The following BTNL8 variants were observed in gnomAD, a reference collection of about 807,000 sequenced individuals.
BTNL8 encodes butyrophilin like 8, also known as butyrophilin-like protein 8.
In BTNL8, 22 loss-of-function variants were observed where a neutral mutation model predicts 36.1. The ratio of observed to expected loss-of-function variants is 0.61; its 90% CI spans 0.44 to 0.87. BTNL8 has a LOEUF of 0.87. Among genes scored for constraint, BTNL8 ranks in the 40% least tolerant of loss-of-function variants. The pLI, the probability that BTNL8 is intolerant of heterozygous loss-of-function variation, is 0.00. For synonymous variants in BTNL8, 203 were observed against 235.6 expected (o/e 0.86, Z 1.27); for missense variants, 526 against 616.9 (o/e 0.85, Z 1.56).
At chr5:180,945,996 A>AATAC (rs1759223580) in intron 3 of BTNL8, 2 of 55,736 alleles carry the variant, frequency 3.6e-5, no homozygotes, top group South Asian at 5.4e-4. Context: ...TTAATAAATA[A>AATAC]ATAAATAAAT....
At chr5:180,910,837 G>C (rs1757351639) in intron 2 of BTNL8, among the ~76,000 whole-genome samples, 1 of 152,274 alleles carries the variant, frequency 6.6e-6, no homozygotes, top group South Asian at 2.1e-4. Flanking sequence ...GAAGCCTTTT[G>C]TTCAGCACTC....
intron 1 of BTNL8, among the ~76,000 whole-genome samples, chr5:180,903,410 G>A: frequency 1.1e-5 from 1 of 90,406 alleles, no homozygotes; most frequent in African/African-American, 6.5e-5. Flanking sequence ...GTTCATTGTA[G>A]ATTCTGGATA....
rs543525826 is a variant in BTNL8 at position 180,907,778 on chromosome 5, G to T, written c.50-808G>T. ...TGCAGGTCTGTTGGAGTACCCTGCC[G>T]TGTGAGGTGTCAGTGTGCCCCTGCT... On this transcript the variant is annotated intron_variant, in intron 1 of 7. Transcript: ENST00000340184. Among the ~76,000 whole-genome samples, 12 of 151,876 alleles carry T rather than the reference G, an allele frequency of 7.9e-5. 1 individual carries two copies. The South Asian group carries it at 2.1e-3, about 26-fold the overall frequency.
intron 3 of BTNL8, among the ~76,000 whole-genome samples, chr5:180,920,872 C>T (rs1056703183): frequency 2.0e-5 from 3 of 151,968 alleles, no homozygotes; most frequent in Non-Finnish European, 4.4e-5. Flanking sequence ...CAGGGAAATT[C>T]AATCAAAAGT....
At chr5:180,943,280 A>G (rs1759075730) in intron 3 of BTNL8, among the ~76,000 whole-genome samples, 2 of 151,808 alleles carry the variant, frequency 1.3e-5, no homozygotes, top group South Asian at 2.1e-4. Context: ...GATTACAGAC[A>G]CCATCCACCA....
At chr5:180,909,031 T>C (rs1757259325) in intron 2 of BTNL8, 98 bp downstream of exon 2, 1 of 1,235,278 alleles carries the variant, frequency 8.1e-7, no homozygotes, top group Non-Finnish European at 1.1e-6. Context: ...TTAGGTCATT[T>C]AGTTAGAAGG....
chr5:180,933,389 T>A (rs1758497454), intron 3 of BTNL8, among the ~76,000 whole-genome samples: 1 of 152,164 alleles, frequency 6.6e-6, no homozygotes. Flanking sequence ...CCAGAACATA[T>A]CATATCTTAG....
At chr5:180,908,531 C>T (rs1757222567) in intron 1 of BTNL8, 55 bp from the exon 2 acceptor site, 1 of 1,560,506 alleles carries the variant, frequency 6.4e-7, no homozygotes, top group Admixed American at 1.9e-5. Context: ...ATCTTGGCTC[C>T]TCCCCCTCAC....
chr5:180,924,316 A>G (rs1289303293), intron 3 of BTNL8, among the ~76,000 whole-genome samples: 1 of 152,168 alleles, frequency 6.6e-6, no homozygotes, highest in African/African-American at 2.4e-5. Flanking sequence ...CCAAGTCCAC[A>G]CACATCTGTG....
chr5:180,945,021 C>G (rs1056232123), intron 3 of BTNL8, among the ~76,000 whole-genome samples: 10 of 152,154 alleles, frequency 6.6e-5, no homozygotes, highest in African/African-American at 2.4e-4. Context: ...CCAAAGCAAT[C>G]TTGAGCAAAA....
intron 3 of BTNL8, among the ~76,000 whole-genome samples, chr5:180,943,680 T>C (rs1273703740): frequency 6.6e-6 from 1 of 152,188 alleles, no homozygotes; most frequent in East Asian, 1.9e-4. Flanking sequence ...GAAAACACTA[T>C]GGAGATTTCT....
chr5:180,924,279 A>C (rs1346174163), intron 3 of BTNL8, among the ~76,000 whole-genome samples: 1 of 152,206 alleles, frequency 6.6e-6, no homozygotes, highest in Non-Finnish European at 1.5e-5. Flanking sequence ...TGTTCTGCTT[A>C]AGGCTACTCT....
At chr5:180,942,400 CA>C (rs1169416474) in intron 3 of BTNL8, among the ~76,000 whole-genome samples, 1 of 152,148 alleles carries the variant, frequency 6.6e-6, no homozygotes, top group African/African-American at 2.4e-5. Flanking sequence ...CAATCCTTAT[CA>C]AAATACCAAT....
intron 3 of BTNL8, among the ~76,000 whole-genome samples, chr5:180,920,441 A>G (rs937434997): frequency 6.6e-6 from 1 of 152,130 alleles, no homozygotes; most frequent in Admixed American, 6.5e-5. Flanking sequence ...CACAAAAATC[A>G]ATTCAAAATG....
intron 2 of BTNL8, chr5:180,909,595 C>T (rs530983648): frequency 2.2e-5 from 22 of 984,590 alleles, no homozygotes; most frequent in East Asian, 1.1e-4. Flanking sequence ...ATGTATTTGA[C>T]GGGGCTGGGT....
At chr5:180,913,872 T>C (rs1311296890) in intron 3 of BTNL8, among the ~76,000 whole-genome samples, 1 of 152,212 alleles carries the variant, frequency 6.6e-6, no homozygotes, top group African/African-American at 2.4e-5. Flanking sequence ...CACTTAATCA[T>C]GGGCCGCCAA....
At chr5:180,911,318 C>A (rs368011336) in intron 2 of BTNL8, 21 bp from the exon 3 acceptor site, 1 of 1,611,708 alleles carries the variant, frequency 6.2e-7, no homozygotes, top group African/African-American at 1.3e-5. Context: ...TGCTTTCAAC[C>A]GTTCCCTGTT....
At position 180,911,331 on chromosome 5, in the gene BTNL8, C is replaced by A; in HGVS notation, c.398-8C>A. The A allele has an allele frequency of 6.2e-7, 1 of 1,613,180 alleles. No homozygotes were observed. The highest frequency in any genetic ancestry group is 8.5e-7 in the Non-Finnish European group (1 of 1,179,400). On this transcript the variant is annotated splice_region_variant and splice_polypyrimidine_tract_variant and intron_variant, in intron 2 of 7. Coordinates refer to ENST00000340184, the MANE Select transcript of BTNL8 (RefSeq NM_001040462.3). ...TTTGCTTTCAACCGTTCCCTGTTTT[C>A]TCCCCAGCACTGGGCTCAGTTCCTC...
chr5:180,936,820 T>C (rs1170176869), intron 3 of BTNL8, among the ~76,000 whole-genome samples: 3 of 151,720 alleles, frequency 2.0e-5, no homozygotes, highest in Non-Finnish European at 4.4e-5. Context: ...ACTTGTGGAG[T>C]CACATGTGAC....
Sources: allele counts gnomAD v4.1 joint callset (sites outside exome capture counted in the v4.1 genomes callset), GRCh38; gene constraint gnomAD v4.1.1; transcripts MANE v1.5; gene names NCBI Gene and HGNC (gene_info 2026-07-23, HGNC 2026-07-21).